Variants in UPF1 observed in about 807,000 individuals in gnomAD.
The protein encoded by UPF1 is regulator of nonsense transcripts 1.
In UPF1, 9 loss-of-function variants were observed where a neutral mutation model predicts 129.2. The ratio of observed to expected loss-of-function variants is 0.07; its 90% CI spans 0.04 to 0.12. UPF1 has a LOEUF of 0.12. Ranked by LOEUF, UPF1 falls within the 10% of genes least tolerant of loss-of-function variation. The pLI, the probability that UPF1 is intolerant of heterozygous loss-of-function variation, is 1.00. For missense variants in UPF1, 788 were observed against 1,525.3 expected (o/e 0.52, Z 8.05); for synonymous variants, 649 against 644.9 (o/e 1.01, Z -0.10).
At chr19:18,840,143 A>T (rs560239865) in intron 1 of UPF1, among the ~76,000 whole-genome samples, 1 of 152,034 alleles carries the variant, frequency 6.6e-6, no homozygotes, top group African/African-American at 2.4e-5. Context: ...GAGGTTGGGC[A>T]TTGTGGCCCA....
intron 2 of UPF1, among the ~76,000 whole-genome samples, chr19:18,846,669 C>T (rs1402108267): frequency 6.6e-6 from 1 of 152,038 alleles, no homozygotes; most frequent in East Asian, 1.9e-4. Flanking sequence ...TTGTGACACA[C>T]AAGTGAGGAA....
chr19:18,862,171 G>T lies in UPF1; in HGVS notation c.2600+19G>T, dbSNP rs750049677. 1.2e-6 allele frequency: 2 copies of T among 1,611,458 alleles called. No homozygotes were observed. Among genetic ancestry groups the T allele is most frequent in the East Asian group, 4.5e-5 (2 of 44,836 alleles). ...GAGCAAGGTAGGGAGGCTGCCTGCT[G>T]CATGCTGCCCAGCCGCTCATCGGTC... On this transcript the variant is annotated intron_variant, in intron 18 of 23. Coordinates refer to ENST00000262803, the MANE Select transcript of UPF1 (RefSeq NM_002911.4).
At chr19:18,858,944 G>A (rs547037464) in intron 15 of UPF1, among the ~76,000 whole-genome samples, 108 of 152,306 alleles carry the variant, frequency 7.1e-4, no homozygotes, top group African/African-American at 2.5e-3. Flanking sequence ...CCGACACAGC[G>A]CCTCATGAAC....
intron 17 of UPF1, among the ~76,000 whole-genome samples, chr19:18,861,442 C>T (rs568186850): frequency 2.4e-4 from 37 of 152,348 alleles, no homozygotes; most frequent in African/African-American, 8.9e-4. Context: ...GTCTGAGTGG[C>T]CACATGGCAG....
At position 18,832,575 on chromosome 19, in the gene UPF1, G is replaced by T; in HGVS notation, c.231+135G>T. On this transcript the variant is annotated intron_variant, in intron 1 of 23. Transcript: ENST00000262803. This position sits in a 1 kb window ranked among gnomAD's most constrained non-coding sequence, Gnocchi z 5.6. ...GCCGGGCCTGGGGCGATCTGCCCCG[G>T]GTCCCCTACTCTGGCTCGGCCTGAG... 1.6e-6 allele frequency: 1 copy of T among 624,258 alleles called. No individual in the cohort carries two copies. The highest frequency in any genetic ancestry group is 2.0e-6 in the Non-Finnish European group (1 of 499,186). The allele number at this position is 624,258 out of a possible 1,614,324, so 38.7% of individuals were successfully genotyped here.
chr19:18,842,013 T>TAA, intron 1 of UPF1, among the ~76,000 whole-genome samples: 1 of 152,100 alleles, frequency 6.6e-6, no homozygotes, highest in Non-Finnish European at 1.5e-5. Flanking sequence ...GAGGATCTCT[T>TAA]TTAAGTTCAG....
intron 18 of UPF1, 173 bp from the exon 19 acceptor site, chr19:18,863,265 C>T (rs2055801616): frequency 3.8e-6 from 3 of 790,508 alleles, no homozygotes; most frequent in South Asian, 1.9e-5. Context: ...GGGTCAGTGG[C>T]TTGGCATTGG....
intron 15 of UPF1, among the ~76,000 whole-genome samples, chr19:18,859,158 C>T (rs2055749916): frequency 6.6e-6 from 1 of 152,212 alleles, no homozygotes; most frequent in African/African-American, 2.4e-5. Context: ...AGCTTGTGCT[C>T]TGGGGTGTCT....
rs62137158 is a variant in UPF1 at position 18,841,736 on chromosome 19, C to T, written c.232-4244C>T. Among the ~76,000 whole-genome samples the T allele has an allele frequency of 4.7e-3, 712 of 152,164 alleles. 3 individuals are homozygous for T. The highest frequency in any genetic ancestry group is 8.0e-3 in the Non-Finnish European group (543 of 68,000). On this transcript the variant is annotated intron_variant, in intron 1 of 23. Coordinates refer to ENST00000262803, the MANE Select transcript of UPF1 (RefSeq NM_002911.4). ...GGCTCCAGGGAGAGTGGCTGATCCCCGGGCTGGGAAGGCAGGGGCGGCCTG... is the reference window on the plus strand; with the variant it reads ...GGCTCCAGGGAGAGTGGCTGATCCCTGGGCTGGGAAGGCAGGGGCGGCCTG...
intron 23 of UPF1, 74 bp from the exon 24 acceptor site, chr19:18,866,447 G>C (rs2055845536): frequency 2.4e-6 from 1 of 415,966 alleles, no homozygotes; most frequent in African/African-American, 2.1e-5. Flanking sequence ...CTCCCTCACT[G>C]TCCTGTGTGC....
intron 2 of UPF1, 112 bp from the exon 3 acceptor site, chr19:18,847,630 ATG>A: frequency 3.3e-6 from 3 of 904,800 alleles, no homozygotes; most frequent in Non-Finnish European, 5.3e-6. Flanking sequence ...GGGGTTGAGT[ATG>A]TGTTTAATGA....
intron 1 of UPF1, among the ~76,000 whole-genome samples, chr19:18,843,455 G>A (rs1431647364): frequency 6.6e-6 from 1 of 152,064 alleles, no homozygotes; most frequent in African/African-American, 2.4e-5. Context: ...GGCACATTTG[G>A]GGGGATTTTT....
At chr19:18,859,679 C>T (rs1207567552) in intron 15 of UPF1, 1 of 152,390 alleles carries the variant, frequency 6.6e-6, no homozygotes, top group Non-Finnish European at 1.5e-5. Context: ...GATGGAAGCT[C>T]CCAGTAGAGT....
intron 1 of UPF1, among the ~76,000 whole-genome samples, chr19:18,841,930 A>G (rs574743613): frequency 2.6e-4 from 40 of 152,304 alleles, no homozygotes; most frequent in Non-Finnish European, 4.7e-4. Flanking sequence ...CCTAGGCAAC[A>G]TATTGAAAAA....
intron 11 of UPF1, chr19:18,855,524 C>T (rs781463878): frequency 1.1e-5 from 6 of 543,286 alleles, no homozygotes; most frequent in Admixed American, 3.3e-5. Context: ...TATAGTGTGG[C>T]GGGATGGTGC....
At chr19:18,844,576 G>A (rs568394639) in intron 1 of UPF1, among the ~76,000 whole-genome samples, 2 of 151,474 alleles carry the variant, frequency 1.3e-5, no homozygotes, top group Admixed American at 1.3e-4. Flanking sequence ...CAGGTGATCC[G>A]CCCTGCCGAG....
chr19:18,837,817 C>T (rs1038623676), intron 1 of UPF1, among the ~76,000 whole-genome samples: 2 of 152,138 alleles, frequency 1.3e-5, no homozygotes, highest in East Asian at 3.9e-4. Context: ...ATAGTCATCT[C>T]GTACTGGGAT....
chr19:18,836,237 A>G (rs1402580567), intron 1 of UPF1, among the ~76,000 whole-genome samples: 2 of 152,190 alleles, frequency 1.3e-5, no homozygotes, highest in Non-Finnish European at 1.5e-5. Context: ...AGTCCTTTGC[A>G]TAATAGCTGG....
In UPF1 at chr19:18,840,980, C is replaced by G. The variant is rs1204095031; in HGVS notation, c.232-5000C>G. 2.0e-5 allele frequency among the ~76,000 whole-genome samples: 3 copies of G among 152,238 alleles called. No individual in the cohort carries two copies. The East Asian group carries it at 5.8e-4, about 29-fold the overall frequency. On this transcript the variant is annotated intron_variant, in intron 1 of 23. Transcript: ENST00000262803. The stretch of plus-strand genomic sequence containing the variant: ...GCATGGCATCTTCCTGAAGCATCAG[C>G]TCCTTGCAGAGCGAGTGCAGGCTCC...
Sources: allele counts gnomAD v4.1 joint callset (sites outside exome capture counted in the v4.1 genomes callset), GRCh38; gene constraint gnomAD v4.1.1; non-coding constraint Gnocchi (gnomAD v3.1); transcripts MANE v1.5; gene names NCBI Gene and HGNC (gene_info 2026-07-23, HGNC 2026-07-21).